Variants in FOXP2 observed in about 807,000 individuals in gnomAD.
FOXP2 encodes the protein forkhead box P2, also known as forkhead box protein P2.
Under a neutral mutation model 115.8 loss-of-function variants are expected in FOXP2, and 12 were observed. The observed-to-expected ratio is 0.10, with a 90% CI of 0.07 to 0.17. The LOEUF (loss-of-function observed/expected upper bound fraction) is 0.17. Ranked by LOEUF, FOXP2 falls within the 10% of genes least tolerant of loss-of-function variation. FOXP2 has a pLI of 1.00. For missense variants in FOXP2, 629 were observed against 843.5 expected, an observed-to-expected ratio of 0.75 and a Z score of 3.15; for synonymous variants, 328 against 297.7, an observed-to-expected ratio of 1.10 and a Z score of -1.05.
chr7:114,553,011 A>C (rs1444277992), intron 3 of FOXP2, among the ~76,000 whole-genome samples: 2 of 152,152 alleles, frequency 1.3e-5, no homozygotes, highest in Non-Finnish European at 2.9e-5. Context: ...GTCACTTTTG[A>C]AACAGTATTT....
intron 2 of FOXP2, among the ~76,000 whole-genome samples, chr7:114,530,653 A>C (rs1263434100): frequency 6.6e-6 from 1 of 151,892 alleles, no homozygotes; most frequent in Admixed American, 6.6e-5. Flanking sequence ...AGTGGAAAAA[A>C]GTATTTATCT....
At chr7:114,675,143 A>G (rs1445851014) in intron 16 of FOXP2, among the ~76,000 whole-genome samples, 1 of 152,114 alleles carries the variant, frequency 6.6e-6, no homozygotes, top group Admixed American at 6.6e-5. Context: ...GGAGATAACT[A>G]AACTTGTCGT....
At chr7:114,176,124 A>T (rs903672447) in intron 1 of FOXP2, among the ~76,000 whole-genome samples, 1 of 151,964 alleles carries the variant, frequency 6.6e-6, no homozygotes, top group African/African-American at 2.4e-5. Context: ...TTTTTCTTTC[A>T]AAGTTATGTT....
At chr7:114,439,021 A>G (rs1193352183) in intron 2 of FOXP2, among the ~76,000 whole-genome samples, 2 of 152,168 alleles carry the variant, frequency 1.3e-5, no homozygotes, top group African/African-American at 4.8e-5. Flanking sequence ...ATGTGTAATG[A>G]TTTCAGTAAA....
intron 1 of FOXP2, among the ~76,000 whole-genome samples, chr7:114,277,110 A>C (rs1796209097): frequency 6.6e-6 from 1 of 152,192 alleles, no homozygotes; most frequent in Non-Finnish European, 1.5e-5. Flanking sequence ...CCACTGGCAA[A>C]TAATTAACCT....
rs1207994955 is a variant in FOXP2 at position 114,513,663 on chromosome 7, G to A, written c.169-20954G>A. On this transcript the variant is annotated intron_variant, in intron 2 of 16. Transcript: ENST00000350908. ...AAAAGTTTTATGTAGAAGAGCCCTA[G>A]CAATTGGTTTGTTTTCAGTATTTTT... Among the ~76,000 whole-genome samples the A allele has an allele frequency of 2.0e-5, 3 of 152,196 alleles. No individual in the cohort carries two copies. In the East Asian group the frequency reaches 5.8e-4, roughly 29 times the overall value.
chr7:114,591,433 C>T (rs1243128662), intron 3 of FOXP2, among the ~76,000 whole-genome samples: 1 of 151,972 alleles, frequency 6.6e-6, no homozygotes, highest in Non-Finnish European at 1.5e-5. Flanking sequence ...GACATAATTA[C>T]AGAAAGAAAG....
At chr7:114,291,693 A>AC (rs1320835393) in intron 2 of FOXP2, among the ~76,000 whole-genome samples, 2 of 151,098 alleles carry the variant, frequency 1.3e-5, no homozygotes, top group African/African-American at 4.9e-5. Flanking sequence ...CAGTTTTAGG[A>AC]CTGAGATCCT....
intron 3 of FOXP2, among the ~76,000 whole-genome samples, chr7:114,549,835 A>C (rs1398311082): frequency 6.6e-6 from 1 of 152,186 alleles, no homozygotes; most frequent in Non-Finnish European, 1.5e-5. Context: ...ATACATTATA[A>C]ATGTGGAAAA....
At chr7:114,189,117 T>G (rs1307231691) in intron 1 of FOXP2, among the ~76,000 whole-genome samples, 1 of 152,182 alleles carries the variant, frequency 6.6e-6, no homozygotes, top group African/African-American at 2.4e-5. Flanking sequence ...CTGCTACACC[T>G]TCCCTCTGCC....
intron 2 of FOXP2, among the ~76,000 whole-genome samples, chr7:114,300,883 G>T (rs1423830836): frequency 1.3e-5 from 2 of 151,862 alleles, no homozygotes; most frequent in Admixed American, 6.6e-5. Flanking sequence ...AGATAATTTA[G>T]AATTAATCCT....
At chr7:114,330,325 A>G (rs1432765701) in intron 2 of FOXP2, among the ~76,000 whole-genome samples, 1 of 152,014 alleles carries the variant, frequency 6.6e-6, no homozygotes, top group African/African-American at 2.4e-5. Context: ...GATAAAGTTC[A>G]TAACTGAAGG....
intron 2 of FOXP2, among the ~76,000 whole-genome samples, chr7:114,388,182 A>G (rs4727798): frequency 0.97 from 146,877 of 152,202 alleles, 71,074 homozygotes; most frequent in East Asian, 1. Context: ...GTTTCCCACA[A>G]TTATTAAGGC....
intron 1 of FOXP2, among the ~76,000 whole-genome samples, chr7:114,283,917 C>T (rs1796397800): frequency 1.3e-5 from 2 of 151,946 alleles, no homozygotes; most frequent in Non-Finnish European, 2.9e-5. Flanking sequence ...GAGCTACAAT[C>T]GCACCACTGC....
chr7:114,220,718 C>T (rs1794599630), intron 1 of FOXP2, among the ~76,000 whole-genome samples: 1 of 152,148 alleles, frequency 6.6e-6, no homozygotes, highest in Non-Finnish European at 1.5e-5. Flanking sequence ...AACACCACCA[C>T]TTTCATCACT....
chr7:114,533,707 TGA>T (rs1389286738), intron 2 of FOXP2, among the ~76,000 whole-genome samples: 1 of 151,890 alleles, frequency 6.6e-6, no homozygotes, highest in East Asian at 1.9e-4. Context: ...ACTCAGTTGT[TGA>T]GAGAGAAAAT....
chr7:114,642,057 C>T (rs567794336), intron 6 of FOXP2, among the ~76,000 whole-genome samples: 127 of 152,222 alleles, frequency 8.3e-4, no homozygotes, highest in African/African-American at 2.9e-3. Context: ...TCACCCACCT[C>T]AGCCTCCCAG....
intron 1 of FOXP2, among the ~76,000 whole-genome samples, chr7:114,100,328 A>G (rs1799750109): frequency 6.6e-6 from 1 of 152,112 alleles, no homozygotes; most frequent in African/African-American, 2.4e-5. Flanking sequence ...TATTTGCTGA[A>G]GTTTTCCTTT....
At chr7:114,101,050 T>G (rs6466479) in intron 1 of FOXP2, among the ~76,000 whole-genome samples, 39,390 of 151,888 alleles carry the variant, frequency 0.26, 7,932 homozygotes, top group African/African-American at 0.55. Flanking sequence ...GTTACTAATA[T>G]TATAGCAAGC....
Sources: allele counts gnomAD v4.1 joint callset (sites outside exome capture counted in the v4.1 genomes callset), GRCh38; gene constraint gnomAD v4.1.1; transcripts MANE v1.5; gene names NCBI Gene and HGNC (gene_info 2026-07-23, HGNC 2026-07-21).